Variants in SMARCD3 observed in about 807,000 individuals in gnomAD.
SMARCD3 encodes SWI/SNF related BAF chromatin remodeling complex subunit D3, also known as SWI/SNF-related matrix-associated actin-dependent regulator of chromatin subfamily D member 3.
A neutral mutation model predicts 58.0 loss-of-function variants in SMARCD3; 14 were observed. The observed-to-expected ratio is 0.24, with a 90% CI of 0.16 to 0.38. The LOEUF (loss-of-function observed/expected upper bound fraction) is 0.38, where lower values mean the gene tolerates loss of function less well. Ranked by LOEUF, SMARCD3 falls within the 10% of genes least tolerant of loss-of-function variation. SMARCD3 has a pLI of 1.00. For synonymous variants in SMARCD3, 253 were observed against 253.8 expected (o/e 1.00, Z 0.03); for missense variants, 408 against 636.9 (o/e 0.64, Z 3.87).
intron 2 of SMARCD3, among the ~76,000 whole-genome samples, chr7:151,269,736 GCGCTCAGCATCCCATGTGAACA>G (rs1795104169): frequency 6.6e-6 from 1 of 152,214 alleles, no homozygotes; most frequent in Admixed American, 6.5e-5. Context: ...AGCAGGGACA[GCGCTCAGCATCCCATGTGAACA>G]CTTGCAGTGG....
At chr7:151,259,600 A>ATTTTTTTTTTTTTT (rs1563682239) in intron 2 of SMARCD3, among the ~76,000 whole-genome samples, 1 of 67,918 alleles carries the variant, frequency 1.5e-5, no homozygotes, top group Non-Finnish European at 2.8e-5. Flanking sequence ...ACAACCTGAG[A>ATTTTTTTTTTTTTT]GTTTTTTTTT....
chr7:151,257,806 C>T (rs1301573416), intron 2 of SMARCD3, among the ~76,000 whole-genome samples: 3 of 152,248 alleles, frequency 2.0e-5, no homozygotes, highest in Non-Finnish European at 4.4e-5. Context: ...CACCTCTCCA[C>T]GCTCACTTCC....
intron 1 of SMARCD3, among the ~76,000 whole-genome samples, chr7:151,247,694 C>A (rs1324099785): frequency 1.4e-5 from 2 of 139,326 alleles, no homozygotes; most frequent in African/African-American, 2.6e-5. Flanking sequence ...ATTCCCCACC[C>A]CTCCATACCC....
Position 151,239,637 on chromosome 7 carries a change from C to T in SMARCD3, c.1283G>A (p.Ser428Asn), listed in dbSNP as rs1319043832. The T allele has an allele frequency of 2.5e-6, 4 of 1,613,972 alleles. No individual in the cohort carries two copies. The highest frequency in any genetic ancestry group is 3.4e-6 in the Non-Finnish European group (4 of 1,180,010). The change falls in exon 11 of 13, where the codon AGC becomes AAC. Residue 428 changes from serine to asparagine, a missense_variant. Ser to Asn is a conservative substitution (Grantham distance 46). Coordinates refer to ENST00000262188, the MANE Select transcript of SMARCD3 (RefSeq NM_001003801.2). This position sits in a 1 kb window ranked among gnomAD's most constrained non-coding sequence, Gnocchi z 7.0. Reference sequence around the variant, plus strand: ...CTCCCTCTTCACCTTGAGGTCCCGGCTCTGGGAGCGGAGCAGGTCTTGGAC... The same window carrying T: ...CTCCCTCTTCACCTTGAGGTCCCGGTTCTGGGAGCGGAGCAGGTCTTGGAC... ...GYVQDLLRSQ[S>N]RDLKVMTDVA...
At chr7:151,265,503 C>T (rs571644282) in intron 2 of SMARCD3, among the ~76,000 whole-genome samples, 1 of 152,324 alleles carries the variant, frequency 6.6e-6, no homozygotes, top group Non-Finnish European at 1.5e-5. Context: ...GCCCTAGTGA[C>T]CCAACACCCC....
At chr7:151,244,198 C>A (rs1803144940) in intron 2 of SMARCD3, among the ~76,000 whole-genome samples, 1 of 152,128 alleles carries the variant, frequency 6.6e-6, no homozygotes, top group Non-Finnish European at 1.5e-5. Context: ...GGGACTTGCA[C>A]CCCTTCCAGC....
At chr7:151,249,367 G>A (rs1057460074), upstream of SMARCD3, 1 of 152,208 alleles carries the variant, frequency 6.6e-6, no homozygotes, top group Non-Finnish European at 1.5e-5. This position sits in a 1 kb window ranked among gnomAD's most constrained non-coding sequence, Gnocchi z 4.8. Context: ...CGCCCTGTAT[G>A]TGTGCCTCCC....
Position 151,242,825 on chromosome 7 carries a change from C to T in SMARCD3, c.352G>A (p.Glu118Lys), listed in dbSNP as rs748318445. 3 of 1,614,118 alleles carry T rather than the reference C, an allele frequency of 1.9e-6. No individual in the cohort carries two copies. The highest frequency in any genetic ancestry group is 2.5e-6 in the Non-Finnish European group (3 of 1,180,000). ...LPQRIRELVP[E>K]SQAYMDLLAF... is the part of the protein sequence containing the mutation. Reference sequence around the variant, plus strand: ...AAGAGGTCCATGTAAGCCTGGGACTCGGGGACCAGCTCCCGAATCTGGAGA... The same window carrying T: ...AAGAGGTCCATGTAAGCCTGGGACTTGGGGACCAGCTCCCGAATCTGGAGA... The change falls in exon 4 of 13, where the codon GAG (glutamate) becomes AAG (lysine). Residue 118 changes from glutamate (E) to lysine (K), a missense_variant. This residue lies in a region of SMARCD3 where 128 missense variants were observed against 188.8 expected (regional missense o/e 0.68). Transcript: ENST00000262188. This position sits in a 1 kb window ranked among gnomAD's most constrained non-coding sequence, Gnocchi z 4.7.
At chr7:151,259,858 C>T (rs1803859928) in intron 2 of SMARCD3, among the ~76,000 whole-genome samples, 1 of 151,248 alleles carries the variant, frequency 6.6e-6, no homozygotes, top group South Asian at 2.1e-4. Flanking sequence ...GATCCACCCA[C>T]CTTGGCCTCC....
At chr7:151,275,043 C>T (rs1046766917) in intron 2 of SMARCD3, 31 of 1,293,266 alleles carry the variant, frequency 2.4e-5, no homozygotes, top group Middle Eastern at 2.2e-4. Context: ...GAGCAGGAGC[C>T]GAGGGCTGGC....
At chr7:151,252,512 G>C (rs1459303011), upstream of SMARCD3, among the ~76,000 whole-genome samples, 2 of 152,106 alleles carry the variant, frequency 1.3e-5, no homozygotes, top group African/African-American at 4.8e-5. Context: ...GAGAAAGTGA[G>C]ACCACTTGGC....
intron 8 of SMARCD3, chr7:151,240,789 T>G (rs1249114708): frequency 2.1e-6 from 1 of 466,832 alleles, no homozygotes. Context: ...CCTCTGCCAC[T>G]TACTATGCAA....
chr7:151,259,069 A>G (rs1046462264), intron 2 of SMARCD3, among the ~76,000 whole-genome samples: 1 of 151,942 alleles, frequency 6.6e-6, no homozygotes, highest in African/African-American at 2.4e-5. Context: ...CGTAAGCTCC[A>G]GGCCGGGTGC....
Position 151,245,336 on chromosome 7 carries a change from G to A in SMARCD3, c.290+124C>T. On this transcript the variant is annotated intron_variant, in intron 2 of 12. Coordinates refer to ENST00000262188, the MANE Select transcript of SMARCD3 (RefSeq NM_001003801.2). This position sits in a 1 kb window ranked among gnomAD's most constrained non-coding sequence, Gnocchi z 6.2. Reference sequence around the variant, plus strand: ...CCCCAGAGGGCATTCGACCCGGGAAGCCTCGCTCCCTGCTAATCATTCTTC... The same window carrying A: ...CCCCAGAGGGCATTCGACCCGGGAAACCTCGCTCCCTGCTAATCATTCTTC... 5.0e-6 allele frequency: 2 copies of A among 401,932 alleles called. No homozygotes were observed. The highest frequency in any genetic ancestry group is 9.2e-5 in the Admixed American group (2 of 21,766). 24.9% of individuals were successfully genotyped at this position (401,932 alleles called of 1,614,324 possible). A position where few individuals can be genotyped will look rare whatever the true frequency, so the allele number is the denominator to read the frequency against.
Position 151,248,475 on chromosome 7 carries a change from C to A in SMARCD3, c.78+10G>T, listed in dbSNP as rs375617256. The A allele has an allele frequency of 1.6e-4, 261 of 1,608,486 alleles. No homozygotes were observed. Among genetic ancestry groups the A allele is most frequent in the Non-Finnish European group, 1.9e-4 (227 of 1,175,586 alleles). The stretch of plus-strand genomic sequence containing the variant: ...CGCTTGCCCTCCCCCGCTAACTTTC[C>A]CCCACTCACCACCCCATGGACCAGA... On this transcript the variant is annotated intron_variant, in intron 1 of 12. Coordinates refer to ENST00000262188, the MANE Select transcript of SMARCD3 (RefSeq NM_001003801.2). This position sits in a 1 kb window ranked among gnomAD's most constrained non-coding sequence, Gnocchi z 6.1.
chr7:151,263,488 C>T (rs1584892539), intron 2 of SMARCD3, among the ~76,000 whole-genome samples: 1 of 152,178 alleles, frequency 6.6e-6, no homozygotes, highest in East Asian at 1.9e-4. Context: ...CCTCTTATCC[C>T]TCCAAACCTC....
chr7:151,251,732 G>A (rs1803518561), upstream of SMARCD3, among the ~76,000 whole-genome samples: 1 of 151,918 alleles, frequency 6.6e-6, no homozygotes, highest in Admixed American at 6.5e-5. Flanking sequence ...CCCGGCGCCC[G>A]GCGCCGCAGT....
chr7:151,248,435 C>A lies in SMARCD3; in HGVS notation c.78+50G>T. On this transcript the variant is annotated intron_variant, in intron 1 of 12. Coordinates refer to ENST00000262188, the MANE Select transcript of SMARCD3 (RefSeq NM_001003801.2). This position sits in a 1 kb window ranked among gnomAD's most constrained non-coding sequence, Gnocchi z 6.1. Reference sequence around the variant, plus strand: ...GGCCCCTCCCGATCAGCCCTCCATTCAGCCCGAGCCAGCTCGCTTGCCCTC... The same window carrying A: ...GGCCCCTCCCGATCAGCCCTCCATTAAGCCCGAGCCAGCTCGCTTGCCCTC... The A allele has an allele frequency of 6.6e-7, 1 of 1,510,222 alleles. No homozygotes were observed. 93.6% of individuals were successfully genotyped at this position (1,510,222 alleles called of 1,614,324 possible).
Position 151,242,730 on chromosome 7 carries a change from C to T in SMARCD3, c.447G>A (p.Arg149=). The T allele has an allele frequency of 6.2e-7, 1 of 1,614,092 alleles. No individual in the cohort carries two copies. The highest frequency in any genetic ancestry group is 1.3e-5 in the African/African-American group (1 of 75,034). ...CCCCGAACTAAGGCACCTTCATGGG[C>T]CTCTTCAGAGCCTCCTGGATGTCCA... ...KRVDIQEALK[R]PMKQKRKLRL... is the part of the protein sequence containing the mutation. Residue 149 remains arginine, a synonymous_variant, in exon 4 of 13, where the codon AGG becomes AGA. Transcript: ENST00000262188. This position sits in a 1 kb window ranked among gnomAD's most constrained non-coding sequence, Gnocchi z 4.7.
Sources: allele counts gnomAD v4.1 joint callset (sites outside exome capture counted in the v4.1 genomes callset), GRCh38; gene constraint gnomAD v4.1.1; regional missense constraint gnomAD v4.1.1; non-coding constraint Gnocchi (gnomAD v3.1); transcripts MANE v1.5; gene names NCBI Gene and HGNC (gene_info 2026-07-23, HGNC 2026-07-21).